POLA1: variants seen among roughly 807,000 people sequenced by gnomAD.
POLA1 encodes DNA polymerase alpha 1, catalytic subunit.
Under a neutral mutation model 124.0 loss-of-function variants are expected in POLA1, and 15 were observed. The observed-to-expected ratio is 0.12, with a 90% CI of 0.08 to 0.19. POLA1 has a LOEUF of 0.19. Among genes scored for constraint, POLA1 ranks in the 10% least tolerant of loss-of-function variants. The pLI is 1.00. For synonymous variants in POLA1, 408 were observed against 389.4 expected (o/e 1.05, Z -0.56); for missense variants, 886 against 1,103.4 (o/e 0.80, Z 2.79).
rs1434466981 is a variant in POLA1 at position 24,739,431 on chromosome X, G to T, written c.2097G>T (p.Val699=). ...NATCGRMICD[V]EISAKELIRC... is the part of the protein sequence containing the mutation. Reference sequence around the variant, plus strand: ...CCTGTGGTCGAATGATCTGTGATGTGGAAATTTCAGCAAAGGAATTGATTC... The same window carrying T: ...CCTGTGGTCGAATGATCTGTGATGTTGAAATTTCAGCAAAGGAATTGATTC... Residue 699 remains valine (V), a synonymous_variant, in exon 20 of 37, where the codon GTG becomes GTT. Transcript: ENST00000379068. 1 of 1,194,801 alleles carries T rather than the reference G, an allele frequency of 8.4e-7. No homozygotes were observed. Among genetic ancestry groups the T allele is most frequent in the African/African-American group, 1.8e-5 (1 of 56,626 alleles).
rs774901309 is a variant in POLA1, at chrX:24,717,614, A to G, written c.943A>G (p.Ile315Val). 7.5e-6 allele frequency: 9 copies of G among 1,208,015 alleles called. No homozygotes were observed. The highest frequency in any genetic ancestry group is 2.2e-5 in the Admixed American group (1 of 45,712). The part of the protein sequence containing the change: ...SFLPDVSCWD[I>V]DQEGDSSFSV... ...TCTCCCGGATGTCTCTTGTTGGGAC[A>G]TTGATCAAGAAGGTGATAGCAGTTT... is the stretch of plus-strand genomic sequence containing the variant. The change falls in exon 10 of 37, where the codon ATT becomes GTT. Residue 315 changes from isoleucine (I) to valine (V), a missense_variant. This residue lies in a region of POLA1 where 337 missense variants were observed against 402.8 expected (regional missense o/e 0.84). Transcript: ENST00000379068.
At chrX:24,813,771 A>G (rs7884431) in intron 29 of POLA1, among the ~76,000 whole-genome samples, 15,487 of 101,684 alleles carry the variant, frequency 0.15, 2,966 homozygotes, top group African/African-American at 0.51. Context: ...CCGAGATTGC[A>G]CCATTGCACT....
At chrX:24,857,037 C>T (rs2046654267) in intron 34 of POLA1, among the ~76,000 whole-genome samples, 2 of 111,347 alleles carry the variant, frequency 1.8e-5, no homozygotes, top group South Asian at 7.5e-4. Context: ...ATTGATTGTG[C>T]TTTTGATCTC....
At chrX:24,735,637 A>G (rs1165158177) in intron 18 of POLA1, 149 bp downstream of exon 18, 7 of 391,623 alleles carry the variant, frequency 1.8e-5, no homozygotes, top group Non-Finnish European at 3.1e-5. Context: ...ATAGGAGAAA[A>G]AAATAGCAAG....
At chrX:24,914,200 G>C (rs775640415) in intron 35 of POLA1, among the ~76,000 whole-genome samples, 1 of 110,526 alleles carries the variant, frequency 9.0e-6, no homozygotes, top group South Asian at 4.0e-4. Context: ...AAAAATCGTG[G>C]AACTGTACCC....
At chrX:24,775,447 A>G (rs2045120617) in intron 26 of POLA1, 1 of 112,240 alleles carries the variant, frequency 8.9e-6, no homozygotes, top group Non-Finnish European at 1.9e-5. Context: ...TTTGAGTAGT[A>G]TCATTTTACC....
intron 26 of POLA1, among the ~76,000 whole-genome samples, chrX:24,796,584 C>T (rs756236796): frequency 5.1e-4 from 57 of 111,632 alleles, no homozygotes; most frequent in Non-Finnish European, 1.9e-4. Context: ...TTGGTGCTAA[C>T]TTGCCTAGTC....
intron 34 of POLA1, among the ~76,000 whole-genome samples, chrX:24,850,211 G>A (rs1267197308): frequency 1.8e-5 from 2 of 112,403 alleles, no homozygotes; most frequent in Non-Finnish European, 3.8e-5. Flanking sequence ...TTGCTGCTAT[G>A]CCATGGCATG....
chrX:24,929,536 C>G (rs758431334), intron 35 of POLA1, among the ~76,000 whole-genome samples: 20 of 112,303 alleles, frequency 1.8e-4, no homozygotes, highest in Admixed American at 1.6e-3. Context: ...AACACCAAAG[C>G]TTGAGCTCAT....
chrX:24,952,202 A>G (rs2048055917), intron 36 of POLA1, among the ~76,000 whole-genome samples: 2 of 111,783 alleles, frequency 1.8e-5, no homozygotes, highest in African/African-American at 3.3e-5. Context: ...TGCCTTCTCT[A>G]TTTTTGCTGT....
chrX:24,919,808 GTTTT>G (rs1195362180), intron 35 of POLA1, among the ~76,000 whole-genome samples: 3 of 20,257 alleles, frequency 1.5e-4, no homozygotes, highest in Admixed American at 1.0e-3. Flanking sequence ...TTTTTTTTTT[GTTTT>G]TTTTTTTGTT....
chrX:24,784,059 C>CTTTT (rs11295214), intron 26 of POLA1, among the ~76,000 whole-genome samples: 9 of 59,509 alleles, frequency 1.5e-4, no homozygotes, highest in Admixed American at 2.1e-4. Context: ...ATTTATATTT[C>CTTTT]TTTTTTTTTT....
chrX:24,792,896 C>A (rs774972787), intron 26 of POLA1, among the ~76,000 whole-genome samples: 1 of 111,344 alleles, frequency 9.0e-6, no homozygotes, highest in South Asian at 3.7e-4. Flanking sequence ...GTTGGGCTGA[C>A]GGAAATTCAA....
chrX:24,763,103 T>C (rs779088774), intron 26 of POLA1, among the ~76,000 whole-genome samples: 1 of 111,620 alleles, frequency 9.0e-6, no homozygotes, highest in Non-Finnish European at 1.9e-5. Flanking sequence ...AAGATCACTT[T>C]GCCTCAGTGA....
chrX:24,801,924 G>GGTGTGTGTGTGTGT (rs35938897), intron 26 of POLA1, among the ~76,000 whole-genome samples: 2,278 of 74,504 alleles, frequency 0.031, 90 homozygotes, highest in African/African-American at 0.06. Flanking sequence ...GAGGTGGGTG[G>GGTGTGTGTGTGTGT]GTGTGTGTGT....
intron 26 of POLA1, among the ~76,000 whole-genome samples, chrX:24,760,697 C>A (rs1932780610): frequency 8.9e-6 from 1 of 111,994 alleles, no homozygotes; most frequent in African/African-American, 3.2e-5. Context: ...CAGTGGGCAG[C>A]ATGAGCCTGT....
chrX:24,904,886 T>C (rs1444377913), intron 35 of POLA1, among the ~76,000 whole-genome samples: 2 of 110,872 alleles, frequency 1.8e-5, no homozygotes, highest in Non-Finnish European at 3.8e-5. Context: ...TTAGCCGGCG[T>C]GGTGGCACAC....
intron 36 of POLA1, among the ~76,000 whole-genome samples, chrX:24,986,309 C>T (rs1569386736): frequency 9.0e-6 from 1 of 111,579 alleles, no homozygotes; most frequent in Non-Finnish European, 1.9e-5. Flanking sequence ...CTGGGCAATC[C>T]TTGAGTCTTT....
chrX:24,984,790 G>A (rs950738952), intron 36 of POLA1, among the ~76,000 whole-genome samples: 1 of 108,115 alleles, frequency 9.2e-6, no homozygotes, highest in Non-Finnish European at 1.9e-5. Context: ...CTCCCGAGGA[G>A]CTGGGACTAC....
Sources: gnomAD v4.1 joint callset for allele counts (sites outside exome capture counted in the v4.1 genomes callset) on GRCh38, gnomAD v4.1.1 for gene constraint, gnomAD v4.1.1 regional missense constraint, MANE v1.5 for transcripts, NCBI Gene and HGNC (gene_info 2026-07-23, HGNC 2026-07-21) for gene names.